The following STX3 variants were observed in gnomAD, a reference collection of about 807,000 sequenced individuals.
STX3 encodes syntaxin-3.
Under a neutral mutation model 40.2 loss-of-function variants are expected in STX3, and 19 were observed. The observed-to-expected ratio is 0.47, with a 90% CI of 0.33 to 0.69. The LOEUF is 0.69. Ranked by LOEUF, STX3 falls within the 30% of genes least tolerant of loss-of-function variation. The pLI, the probability that STX3 is intolerant of heterozygous loss-of-function variation, is 0.02. For synonymous variants in STX3, 122 were observed against 132.2 expected (o/e 0.92, Z 0.53); for missense variants, 364 against 366.7 (o/e 0.99, Z 0.06).
chr11:59,778,326 G>A (rs1235594782), intron 2 of STX3, among the ~76,000 whole-genome samples: 1 of 152,122 alleles, frequency 6.6e-6, no homozygotes, highest in African/African-American at 2.4e-5. Context: ...TCATCAGAGA[G>A]GAAAACTGCC....
chr11:59,789,002 C>G, intron 4 of STX3, 55 bp downstream of exon 4: 2 of 1,497,448 alleles, frequency 1.3e-6, no homozygotes, highest in Non-Finnish European at 1.8e-6. Context: ...ATCTCAGCTC[C>G]CCTAGGGTCC....
At chr11:59,774,936 A>T (rs982361168) in intron 2 of STX3, among the ~76,000 whole-genome samples, 1 of 152,242 alleles carries the variant, frequency 6.6e-6, no homozygotes, top group Non-Finnish European at 1.5e-5. Flanking sequence ...AACAAAAACA[A>T]AAAGCTCACT....
At chr11:59,772,344 G>A (rs1296560985) in intron 1 of STX3, among the ~76,000 whole-genome samples, 1 of 152,154 alleles carries the variant, frequency 6.6e-6, no homozygotes, top group Non-Finnish European at 1.5e-5. Flanking sequence ...GGGTGGGAAT[G>A]GAATCACTTC....
At position 59,797,267 on chromosome 11, in the gene STX3, T is replaced by G. The variant is rs925513225; in HGVS notation, c.787-16T>G. On this transcript the variant is annotated splice_polypyrimidine_tract_variant and intron_variant, in intron 9 of 10. Coordinates refer to ENST00000337979, the MANE Select transcript of STX3 (RefSeq NM_004177.5). ...TTTGTAATAATGATTTGTTTTTGTCTTATTCCTCTCTCCAGAAATTGATAA... is the reference window on the plus strand; with the variant it reads ...TTTGTAATAATGATTTGTTTTTGTCGTATTCCTCTCTCCAGAAATTGATAA... 6.2e-7 allele frequency: 1 copy of G among 1,600,620 alleles called. No homozygotes were observed. Among genetic ancestry groups the G allele is most frequent in the Non-Finnish European group, 8.6e-7 (1 of 1,168,098 alleles).
chr11:59,790,655 A>T, intron 5 of STX3, 69 bp downstream of exon 5: 4 of 955,108 alleles, frequency 4.2e-6, no homozygotes, highest in Non-Finnish European at 6.2e-6. Flanking sequence ...CTGTGGAGGG[A>T]TTTTTTTTTT....
rs140337323 is a variant in STX3 at position 59,761,236 on chromosome 11, A to G, written c.30+5601A>G. Among the ~76,000 whole-genome samples, 991 of 152,320 alleles carry G rather than the reference A, an allele frequency of 6.5e-3. 6 individuals are homozygous for G. Among genetic ancestry groups the G allele is most frequent in the Non-Finnish European group, 0.011 (719 of 68,026 alleles). On this transcript the variant is annotated intron_variant, in intron 1 of 10. Coordinates refer to ENST00000337979, the MANE Select transcript of STX3 (RefSeq NM_004177.5). ...CAATGAAGGCGAAGATGTGGCTACC[A>G]TGGTGAAAACTTAGGTACTCCATTT...
chr11:59,755,520 G>C lies in STX3; in HGVS notation c.-86G>C, dbSNP rs1862658205. 3 of 1,460,402 alleles carry C rather than the reference G, an allele frequency of 2.1e-6. No homozygotes were observed. Among genetic ancestry groups the C allele is most frequent in the Admixed American group, 5.1e-5 (2 of 39,462 alleles). The allele number at this position is 1,460,402 out of a possible 1,614,324, so 90.5% of individuals were successfully genotyped here. A position where few individuals can be genotyped will look rare whatever the true frequency, so the allele number is the denominator to read the frequency against. Reference sequence around the variant, plus strand: ...CTTCGCCCCGGCGGGCCCGGCCGCCGCTTCCGGCAGCTCACCTGGGAAGCG... The same window carrying C: ...CTTCGCCCCGGCGGGCCCGGCCGCCCCTTCCGGCAGCTCACCTGGGAAGCG... On this transcript the variant is annotated 5_prime_UTR_variant, in exon 1 of 11. Coordinates refer to ENST00000337979, the MANE Select transcript of STX3 (RefSeq NM_004177.5).
Position 59,769,867 on chromosome 11 carries a change from T to TG in STX3, c.31-3336dup, listed in dbSNP as rs375795938. 2.3e-3 allele frequency among the ~76,000 whole-genome samples: 348 copies of TG among 148,628 alleles called. 3 individuals are homozygous for TG. The highest frequency in any genetic ancestry group is 0.014 in the Admixed American group (208 of 14,932). Reference sequence around the variant, plus strand: ...GTGTGTGTGTATGTATGTGTTTGTGTGGGGGGGGAAGGTGTGTGGGTGTAT... The same window carrying TG: ...GTGTGTGTGTATGTATGTGTTTGTGTGGGGGGGGGAAGGTGTGTGGGTGTAT... On this transcript the variant is annotated intron_variant, in intron 1 of 10. Coordinates refer to ENST00000337979, the MANE Select transcript of STX3 (RefSeq NM_004177.5).
In STX3 at chr11:59,801,554, A is replaced by C; in HGVS notation, c.*730A>C. 1.0e-6 allele frequency: 1 copy of C among 985,428 alleles called. No individual in the cohort carries two copies. Among genetic ancestry groups the C allele is most frequent in the Non-Finnish European group, 1.2e-6 (1 of 829,936 alleles). 61.0% of individuals were successfully genotyped at this position (985,428 alleles called of 1,614,324 possible). ...TTGCAAAAGGCTGACGGTATGGAATATGTTTCCATGTCTGAGTCTTAGAAA... is the reference window on the plus strand; with the variant it reads ...TTGCAAAAGGCTGACGGTATGGAATCTGTTTCCATGTCTGAGTCTTAGAAA... On this transcript the variant is annotated 3_prime_UTR_variant, in exon 11 of 11. Transcript: ENST00000337979.
Position 59,800,952 on chromosome 11 carries a change from G to T in STX3, c.*128G>T, listed in dbSNP as rs1451426178. 6.5e-7 allele frequency: 1 copy of T among 1,535,932 alleles called. No homozygotes were observed. Among genetic ancestry groups the T allele is most frequent in the Non-Finnish European group, 8.7e-7 (1 of 1,146,752 alleles). On this transcript the variant is annotated 3_prime_UTR_variant, in exon 11 of 11. Transcript: ENST00000337979. ...GAGAGCGAGTGCGACCCGTTCCTTT[G>T]TTTCCTTGCAACCACCCTTGGACCT...
At chr11:59,780,438 CT>C (rs983477463) in intron 2 of STX3, among the ~76,000 whole-genome samples, 1 of 152,154 alleles carries the variant, frequency 6.6e-6, no homozygotes, top group African/African-American at 2.4e-5. Context: ...GAAATATATC[CT>C]GTGTTTAAGC....
Position 59,803,083 on chromosome 11 carries a change from A to C in STX3, c.*2259A>C. On this transcript the variant is annotated 3_prime_UTR_variant, in exon 11 of 11. Coordinates refer to ENST00000337979, the MANE Select transcript of STX3 (RefSeq NM_004177.5). The stretch of plus-strand genomic sequence containing the variant: ...TGGCATTCTGGGTCCTAGAAGCCAG[A>C]TCCATCTCCTTTTTCCTTCTGTTGC... 8.1e-7 allele frequency: 1 copy of C among 1,227,796 alleles called. No individual in the cohort carries two copies. The highest frequency in any genetic ancestry group is 1.0e-6 in the Non-Finnish European group (1 of 985,924). 76.1% of individuals were successfully genotyped at this position (1,227,796 alleles called of 1,614,324 possible).
Position 59,755,551 on chromosome 11 carries a change from C to T in STX3, c.-55C>T, listed in dbSNP as rs1862659745. ...GGCAGCTCACCTGGGAAGCGCTCACCTGGGACGCGCTCACCTGGGACGCGC... is the reference window on the plus strand; with the variant it reads ...GGCAGCTCACCTGGGAAGCGCTCACTTGGGACGCGCTCACCTGGGACGCGC... On this transcript the variant is annotated 5_prime_UTR_variant, in exon 1 of 11. Coordinates refer to ENST00000337979, the MANE Select transcript of STX3 (RefSeq NM_004177.5). 2 of 1,578,402 alleles carry T rather than the reference C, an allele frequency of 1.3e-6. No homozygotes were observed. Among genetic ancestry groups the T allele is most frequent in the South Asian group, 1.1e-5 (1 of 90,034 alleles).
intron 2 of STX3, among the ~76,000 whole-genome samples, chr11:59,785,516 C>T (rs1171912930): frequency 4.0e-5 from 6 of 151,842 alleles, no homozygotes; most frequent in East Asian, 1.9e-4. Flanking sequence ...TTTTTTGTAG[C>T]GACGGGGTTT....
chr11:59,783,502 A>T (rs1864552483), intron 2 of STX3, among the ~76,000 whole-genome samples: 2 of 152,220 alleles, frequency 1.3e-5, no homozygotes, highest in South Asian at 4.1e-4. Context: ...TGATACAAGA[A>T]TATGTTTAGT....
At chr11:59,775,473 C>T (rs1011133521) in intron 2 of STX3, among the ~76,000 whole-genome samples, 6 of 152,214 alleles carry the variant, frequency 3.9e-5, no homozygotes, top group East Asian at 1.9e-4. Flanking sequence ...TAACTGTGTT[C>T]TCCTTTTTCT....
chr11:59,756,076 C>A (rs1168034221), intron 1 of STX3, among the ~76,000 whole-genome samples: 1 of 152,192 alleles, frequency 6.6e-6, no homozygotes, highest in Non-Finnish European at 1.5e-5. Context: ...TCTCTGGTGA[C>A]CTCTGGAGCT....
intron 1 of STX3, among the ~76,000 whole-genome samples, chr11:59,763,506 C>T (rs1312494946): frequency 2.6e-5 from 4 of 152,054 alleles, no homozygotes; most frequent in South Asian, 2.1e-4. Flanking sequence ...TTTTGAAATA[C>T]GCATAGAAGA....
chr11:59,790,520 C>T lies in STX3; in HGVS notation c.291C>T (p.Ser97=), dbSNP rs148104403. Residue 97 remains serine (S), a splice_region_variant and synonymous_variant, in exon 5 of 11, where the codon AGC becomes AGT. Transcript: ENST00000337979. ...GTATAACCTTCCTCTCCTCTTTAGG[C>T]ATGGAGAAGCATATTGAAGAAGATG... ...RANNVRNKLK[S]MEKHIEEDEV... 1,458 of 1,612,696 alleles carry T rather than the reference C, an allele frequency of 9.0e-4. 13 individuals are homozygous for T. Among genetic ancestry groups the T allele is most frequent in the South Asian group, 6.7e-3 (609 of 91,042 alleles).
Sources: gnomAD v4.1 joint callset for allele counts (sites outside exome capture counted in the v4.1 genomes callset) on GRCh38, gnomAD v4.1.1 for gene constraint, MANE v1.5 for transcripts, NCBI Gene and HGNC (gene_info 2026-07-23, HGNC 2026-07-21) for gene names.